The following JAKMIP3 variants were observed in gnomAD, a reference collection of about 807,000 sequenced individuals.
JAKMIP3 encodes the protein Janus kinase and microtubule interacting protein 3.
A neutral mutation model predicts 118.5 loss-of-function variants in JAKMIP3; 58 were observed. The ratio of observed to expected loss-of-function variants is 0.49; its 90% CI spans 0.40 to 0.61. The LOEUF is 0.61. Ranked by LOEUF, JAKMIP3 falls within the 20% of genes least tolerant of loss-of-function variation. JAKMIP3 has a pLI of 0.00. For missense variants in JAKMIP3, 950 were observed against 1,109.0 expected, an observed-to-expected ratio of 0.86 and a Z score of 2.04; for synonymous variants, 486 against 451.2, an observed-to-expected ratio of 1.08 and a Z score of -0.98.
intron 1 of JAKMIP3, among the ~76,000 whole-genome samples, chr10:132,054,525 G>A (rs1013807688): frequency 1.3e-5 from 2 of 152,166 alleles, no homozygotes; most frequent in South Asian, 4.1e-4. Flanking sequence ...TGGTACAGGT[G>A]GGGTGTGTAT....
Position 132,180,662 on chromosome 10 carries a change from TGTGCGTGTGTGTGCGC to T in JAKMIP3, c.*1104-1693_*1104-1678del, listed in dbSNP as rs1375456603. 9.0e-5 allele frequency among the ~76,000 whole-genome samples: 3 copies of T among 33,416 alleles called. 1 individual carries two copies. Among genetic ancestry groups the T allele is most frequent in the African/African-American group, 1.5e-4 (1 of 6,586 alleles). The allele number at this position is 33,416 out of a possible 152,430, so 21.9% of individuals were successfully genotyped here. The stretch of plus-strand genomic sequence containing the variant: ...GCGTGTGTGCGTGTGCGTGTGCGTG[TGTGCGTGTGTGTGCGC>T]GCGCGTGTGTGTGCGTGCGTGTGTG... On this transcript the variant is annotated intron_variant, in intron 23 of 23. Coordinates refer to ENST00000684848, the MANE Select transcript of JAKMIP3 (RefSeq NM_001323087.2).
Position 132,147,958 on chromosome 10 carries a change from C to T in JAKMIP3, c.1756C>T (p.Gln586Ter). The change falls in exon 14 of 24, where the codon CAA (glutamine) becomes TAA (stop). Residue 586 changes from glutamine (Q) to a stop codon, truncating the protein, a stop_gained. Coordinates refer to ENST00000684848, the MANE Select transcript of JAKMIP3 (RefSeq NM_001323087.2). LOFTEE classifies it high-confidence loss of function. ...TGCATCTTTTATGTTGCAGATCAAA[C>T]AAATGGAGACGGAAGAGGCTCGGCT... ...RNQELVEKIK[Q>*]METEEARLRH... The T allele has an allele frequency of 6.2e-7, 1 of 1,604,452 alleles. No homozygotes were observed. Among genetic ancestry groups the T allele is most frequent in the Non-Finnish European group, 8.5e-7 (1 of 1,174,956 alleles).
intron 1 of JAKMIP3, among the ~76,000 whole-genome samples, chr10:132,090,145 G>C (rs11146159): frequency 6.6e-6 from 1 of 151,968 alleles, no homozygotes; most frequent in Non-Finnish European, 1.5e-5. Context: ...ATCAATGTTC[G>C]TCAGGGATAT....
intron 2 of JAKMIP3, among the ~76,000 whole-genome samples, chr10:132,114,278 C>A (rs946929321): frequency 6.6e-6 from 1 of 152,222 alleles, no homozygotes; most frequent in Non-Finnish European, 1.5e-5. Context: ...TGCAGTGGTG[C>A]GATCACAGCT....
chr10:132,112,104 C>A lies in JAKMIP3; in HGVS notation c.136-4973C>A, dbSNP rs1356175607. ...GGTCTGAGCAGCAGTGGCCGGGCTG[C>A]CCTTTGCTGAGGTGGCATCTGGGCG... On this transcript the variant is annotated intron_variant, in intron 2 of 23. Transcript: ENST00000684848. The surrounding 1 kb of genome is among the most constrained non-coding windows in gnomAD (Gnocchi z 4.3). 1.3e-5 allele frequency among the ~76,000 whole-genome samples: 2 copies of A among 151,906 alleles called. No homozygotes were observed. The highest frequency in any genetic ancestry group is 4.8e-5 in the African/African-American group (2 of 41,404).
chr10:132,150,978 C>A (rs1023025852), intron 16 of JAKMIP3, among the ~76,000 whole-genome samples: 17 of 151,896 alleles, frequency 1.1e-4, no homozygotes, highest in African/African-American at 3.6e-4. Context: ...ATCCCTAATC[C>A]ATTCATTCTC....
intron 1 of JAKMIP3, among the ~76,000 whole-genome samples, chr10:132,081,811 G>A (rs2041804693): frequency 1.3e-5 from 2 of 151,988 alleles, no homozygotes; most frequent in Admixed American, 1.3e-4. Flanking sequence ...GAGCAGCAGT[G>A]CACAGAGAAC....
intron 2 of JAKMIP3, among the ~76,000 whole-genome samples, chr10:132,114,810 T>C (rs2047380992): frequency 6.6e-6 from 1 of 152,196 alleles, no homozygotes; most frequent in African/African-American, 2.4e-5. Flanking sequence ...ACCGAGGTCT[T>C]GGGCGTGTTT....
At position 132,044,632 on chromosome 10, in the gene JAKMIP3, C is replaced by T. The variant is rs1022611016; in HGVS notation, c.-138+7894C>T. 7.9e-5 allele frequency among the ~76,000 whole-genome samples: 12 copies of T among 152,086 alleles called. No individual in the cohort carries two copies. In the East Asian group the frequency reaches 1.9e-3, roughly 24 times the overall value. On this transcript the variant is annotated intron_variant, in intron 1 of 23. Transcript: ENST00000657785. This position sits in a 1 kb window ranked among gnomAD's most constrained non-coding sequence, Gnocchi z 5.3. ...CGGGCTCTTCCTCAGGGCAGCAGGA[C>T]GCCACCACATGCTGCGCTCAGGATG...
upstream of JAKMIP3, among the ~76,000 whole-genome samples, chr10:132,063,227 C>T (rs2038465239): frequency 1.3e-5 from 2 of 152,258 alleles, no homozygotes; most frequent in South Asian, 4.1e-4. Context: ...GGTGAGGCAG[C>T]CACGTGAGAC....
chr10:132,061,271 GCACACACACCTGCCGTGACGGCACA>G (rs1378910289), upstream of JAKMIP3, among the ~76,000 whole-genome samples: 13 of 136,816 alleles, frequency 9.5e-5, no homozygotes, highest in East Asian at 2.4e-3. Context: ...GTGATGGCGC[GCACACACACCTGCCGTGACGGCACA>G]CACACACACG....
intron 19 of JAKMIP3, among the ~76,000 whole-genome samples, chr10:132,158,701 T>A (rs1242501604): frequency 4.2e-5 from 5 of 120,306 alleles, no homozygotes; most frequent in East Asian, 2.7e-4. Context: ...TCTTCCTGTG[T>A]GATGCTGTGG....
intron 3 of JAKMIP3, among the ~76,000 whole-genome samples, chr10:132,125,664 T>G (rs1465039388): frequency 1.3e-5 from 2 of 152,286 alleles, no homozygotes; most frequent in African/African-American, 4.8e-5. Context: ...CCATGTTTTG[T>G]AAATTTCAGT....
upstream of JAKMIP3, among the ~76,000 whole-genome samples, chr10:132,065,721 C>A (rs1448793880): frequency 6.6e-6 from 1 of 151,052 alleles, no homozygotes; most frequent in Non-Finnish European, 1.5e-5. This position sits in a 1 kb window ranked among gnomAD's most constrained non-coding sequence, Gnocchi z 5.6. Flanking sequence ...GAGCTGCGGG[C>A]CCCTTCCCCA....
chr10:132,068,105 GTGGTC>G (rs2039200415), intron 1 of JAKMIP3, among the ~76,000 whole-genome samples: 1 of 108,598 alleles, frequency 9.2e-6, no homozygotes. Flanking sequence ...GGGTTTCTGT[GTGGTC>G]TGGACTGTGG....
chr10:132,061,684 G>T (rs2038403628), upstream of JAKMIP3, among the ~76,000 whole-genome samples: 1 of 152,210 alleles, frequency 6.6e-6, no homozygotes, highest in Non-Finnish European at 1.5e-5. Context: ...GTAGCACGGG[G>T]CTCTCGACGA....
chr10:132,127,761 A>G (rs964874622), intron 3 of JAKMIP3, among the ~76,000 whole-genome samples: 8 of 151,096 alleles, frequency 5.3e-5, no homozygotes, highest in Middle Eastern at 3.2e-3. Context: ...ATTGTATGGG[A>G]TTATCTCCTT....
At chr10:132,052,664 C>T (rs2038133524) in intron 1 of JAKMIP3, among the ~76,000 whole-genome samples, 1 of 152,176 alleles carries the variant, frequency 6.6e-6, no homozygotes, top group Non-Finnish European at 1.5e-5. Context: ...TCCAATCTGC[C>T]ACCAAAAGCG....
At position 132,104,960 on chromosome 10, in the gene JAKMIP3, C is replaced by A; in HGVS notation, c.135+17C>A. ...AAGAGCAAGGTGGGCGCTCCCCAGACCTCCACCCTTGAATGTCCCTCCCTC... is the reference window on the plus strand; with the variant it reads ...AAGAGCAAGGTGGGCGCTCCCCAGAACTCCACCCTTGAATGTCCCTCCCTC... On this transcript the variant is annotated intron_variant, in intron 2 of 23. Transcript: ENST00000684848. 1.3e-6 allele frequency: 2 copies of A among 1,580,190 alleles called. No homozygotes were observed. Among genetic ancestry groups the A allele is most frequent in the Non-Finnish European group, 1.7e-6 (2 of 1,163,286 alleles).
Sources: gnomAD v4.1 joint callset for allele counts (sites outside exome capture counted in the v4.1 genomes callset) on GRCh38, gnomAD v4.1.1 for gene constraint, Gnocchi (gnomAD v3.1) non-coding constraint, MANE v1.5 for transcripts, NCBI Gene and HGNC (gene_info 2026-07-23, HGNC 2026-07-21) for gene names.